Variants in RBM26 observed in about 807,000 individuals in gnomAD.
The protein encoded by RBM26 is RNA binding motif protein 26, also known as RNA-binding protein 26.
RBM26 carries 30 observed loss-of-function variants against 123.6 expected under a neutral mutation model. The observed-to-expected ratio is 0.24, with a 90% confidence interval of 0.18 to 0.33. The LOEUF (loss-of-function observed/expected upper bound fraction) is 0.33, where lower values mean the gene tolerates loss of function less well. RBM26 is among the 10% of genes least tolerant of loss of function. RBM26 has a pLI of 1.00. For synonymous variants in RBM26, 400 were observed against 404.4 expected (o/e 0.99, Z 0.13); for missense variants, 947 against 1,203.6 (o/e 0.79, Z 3.15).
intron 5 of RBM26, among the ~76,000 whole-genome samples, chr13:79,370,142 C>T (rs1005192261): frequency 2.8e-4 from 42 of 152,046 alleles, no homozygotes; most frequent in African/African-American, 9.4e-4. Context: ...AAACCCCCAA[C>T]GTGACTCTAC....
intron 2 of RBM26, among the ~76,000 whole-genome samples, 183 bp from the exon 3 acceptor site, chr13:79,377,698 A>G (rs1555731): frequency 0.99 from 150,245 of 152,242 alleles, 74,179 homozygotes; most frequent in East Asian, 1. Flanking sequence ...AGGCCAAGGC[A>G]GGTGGATCAC....
intron 19 of RBM26, among the ~76,000 whole-genome samples, chr13:79,336,275 A>C (rs545132029): frequency 3.3e-5 from 5 of 152,274 alleles, no homozygotes; most frequent in Non-Finnish European, 5.9e-5. Flanking sequence ...CTAAGTTACT[A>C]AAGTATTTAT....
downstream of RBM26, among the ~76,000 whole-genome samples, chr13:79,317,239 C>T (rs1410934287): frequency 6.6e-6 from 1 of 151,692 alleles, no homozygotes; most frequent in African/African-American, 2.4e-5. Flanking sequence ...TACCAAGAGG[C>T]ATCATATAAA....
At chr13:79,393,832 T>C (rs2078313378) in intron 1 of RBM26, among the ~76,000 whole-genome samples, 1 of 152,178 alleles carries the variant, frequency 6.6e-6, no homozygotes, top group African/African-American at 2.4e-5. Flanking sequence ...CCTAAAACCG[T>C]GCAGTGCTTG....
chr13:79,366,022 A>G, intron 8 of RBM26, 33 bp downstream of exon 8: 1 of 1,593,572 alleles, frequency 6.3e-7, no homozygotes, highest in Non-Finnish European at 8.6e-7. Flanking sequence ...AAACTGTGTT[A>G]CATTACGAAT....
At chr13:79,394,046 T>C (rs1319361015) in intron 1 of RBM26, among the ~76,000 whole-genome samples, 1 of 152,220 alleles carries the variant, frequency 6.6e-6, no homozygotes, top group African/African-American at 2.4e-5. Context: ...CTGCGGCTTT[T>C]ACTGTGTTTA....
chr13:79,334,385 G>T lies in RBM26; in HGVS notation c.2779C>A (p.His927Asn). The T allele has an allele frequency of 6.4e-7, 1 of 1,570,386 alleles. No homozygotes were observed. The highest frequency in any genetic ancestry group is 8.6e-7 in the Non-Finnish European group (1 of 1,159,170). ...EDCQIDDSSLHAVITFKTRAE... is the reference protein window; with the variant it reads ...EDCQIDDSSLNAVITFKTRAE... ...CTTGTCTTGAATGTAATTACTGCAT[G>T]AAGTGAGGAATCATCAATCTGACAA... Residue 927 changes from histidine (H) to asparagine (N), a missense_variant, in exon 20 of 22, where the codon CAT (histidine) becomes AAT (asparagine). By Grantham distance (68) the His-to-Asn change is moderately conservative. Coordinates refer to ENST00000438737, the MANE Select transcript of RBM26 (RefSeq NM_001366735.2).
At chr13:79,390,576 T>C (rs890306364) in intron 1 of RBM26, among the ~76,000 whole-genome samples, 1 of 152,170 alleles carries the variant, frequency 6.6e-6, no homozygotes, top group Non-Finnish European at 1.5e-5. Flanking sequence ...GTGCACTTGA[T>C]TGTATCTGTA....
chr13:79,375,356 C>T (rs1045795881), intron 3 of RBM26, among the ~76,000 whole-genome samples: 1 of 151,028 alleles, frequency 6.6e-6, no homozygotes, highest in South Asian at 2.1e-4. Context: ...TTTTTAGTAG[C>T]GACAGGGTTT....
intron 2 of RBM26, 41 bp from the exon 3 acceptor site, chr13:79,377,556 T>C: frequency 6.9e-7 from 1 of 1,440,210 alleles, no homozygotes; most frequent in Non-Finnish European, 9.7e-7. Context: ...AACACATTTG[T>C]TAAGATTAAT....
At chr13:79,371,329 A>G (rs2075852595) in intron 4 of RBM26, among the ~76,000 whole-genome samples, 167 bp from the exon 5 acceptor site, 1 of 152,240 alleles carries the variant, frequency 6.6e-6, no homozygotes, top group South Asian at 2.1e-4. Flanking sequence ...TCCCTTTTAA[A>G]TGAAAAACAA....
At chr13:79,348,929 ATTCTT>A (rs1476402044) in intron 14 of RBM26, among the ~76,000 whole-genome samples, 1 of 152,148 alleles carries the variant, frequency 6.6e-6, no homozygotes, top group African/African-American at 2.4e-5. Context: ...TCAAAATTTT[ATTCTT>A]TTAATTGACA....
intron 3 of RBM26, among the ~76,000 whole-genome samples, chr13:79,372,289 C>T (rs1399960426): frequency 6.6e-6 from 1 of 151,818 alleles, no homozygotes; most frequent in Admixed American, 6.6e-5. Context: ...TCAAAACAAA[C>T]AAACAAACAA....
chr13:79,375,726 C>A (rs1566521659), intron 3 of RBM26, among the ~76,000 whole-genome samples: 3 of 151,426 alleles, frequency 2.0e-5, no homozygotes, highest in Non-Finnish European at 4.4e-5. Context: ...TGAAAATATA[C>A]AAATATACAT....
intron 1 of RBM26, among the ~76,000 whole-genome samples, chr13:79,380,496 T>TAAA (rs71745215): frequency 2.3e-3 from 344 of 147,358 alleles, no homozygotes; most frequent in African/African-American, 7.1e-3. Context: ...GGAAAGTTTT[T>TAAA]AAAAAAAAAA....
chr13:79,387,830 C>T (rs1357138877), intron 1 of RBM26, among the ~76,000 whole-genome samples: 1 of 152,166 alleles, frequency 6.6e-6, no homozygotes, highest in Non-Finnish European at 1.5e-5. Flanking sequence ...ATAAATTCTA[C>T]TTAATAGAAA....
chr13:79,352,484 T>C (rs539601251), intron 14 of RBM26, among the ~76,000 whole-genome samples: 11 of 151,870 alleles, frequency 7.2e-5, no homozygotes, highest in East Asian at 1.9e-4. Context: ...AAAAATAACA[T>C]CTACACAGAA....
intron 1 of RBM26, among the ~76,000 whole-genome samples, chr13:79,380,515 A>G: frequency 6.6e-6 from 1 of 151,920 alleles, no homozygotes. Flanking sequence ...AAAACCACAT[A>G]ATAATTGTAT....
chr13:79,389,454 C>CG (rs1566570782), intron 1 of RBM26: 1 of 151,794 alleles, frequency 6.6e-6, no homozygotes, highest in African/African-American at 2.4e-5. Flanking sequence ...AAAAAAGAAA[C>CG]GGGAAAAAAA....
Sources: allele counts gnomAD v4.1 joint callset (sites outside exome capture counted in the v4.1 genomes callset), GRCh38; gene constraint gnomAD v4.1.1; transcripts MANE v1.5; gene names NCBI Gene and HGNC (gene_info 2026-07-23, HGNC 2026-07-21).